SHROOM2: variants seen among roughly 807,000 people sequenced by gnomAD.
SHROOM2 encodes the protein protein Shroom2.
Under a neutral mutation model 75.9 loss-of-function variants are expected in SHROOM2, and 33 were observed. The ratio of observed to expected loss-of-function variants is 0.43; its 90% confidence interval spans 0.33 to 0.58. The LOEUF (loss-of-function observed/expected upper bound fraction) is 0.58, where lower values mean the gene tolerates loss of function less well. SHROOM2 is among the 20% of genes least tolerant of loss of function. The probability of loss-of-function intolerance (pLI) is 0.04; values close to 1 mark genes in which losing one functional copy is unlikely to be tolerated. For missense variants in SHROOM2, 1,434 were observed against 1,461.2 expected, an observed-to-expected ratio of 0.98 and a Z score of 0.30; for synonymous variants, 655 against 663.6, an observed-to-expected ratio of 0.99 and a Z score of 0.20.
intron 1 of SHROOM2, among the ~76,000 whole-genome samples, chrX:9,811,091 T>G (rs1186777424): frequency 1.8e-5 from 2 of 112,094 alleles, no homozygotes; most frequent in Non-Finnish European, 3.8e-5. Context: ...TAAGTGTCTA[T>G]TCCAGTGAGG....
Position 9,949,271 on chromosome X carries a change from C to T in SHROOM2, c.*2334C>T, listed in dbSNP as rs182811535. On this transcript the variant is annotated 3_prime_UTR_variant, in exon 10 of 10. Coordinates refer to ENST00000380913, the MANE Select transcript of SHROOM2 (RefSeq NM_001649.4). ...TGTTGGGTGGCAGCTGCTCCTTCGC[C>T]CTCTTGTAGTGTGGCTGTGGAGGGC... The T allele has an allele frequency of 1.4e-3, 450 of 315,831 alleles. 1 individual carries two copies. The highest frequency in any genetic ancestry group is 2.1e-3 in the Non-Finnish European group (344 of 162,862). The allele number at this position is 315,831 out of a possible 1,213,427, so 26.0% of individuals were successfully genotyped here. A position where few individuals can be genotyped will look rare whatever the true frequency, so the allele number is the denominator to read the frequency against.
chrX:9,868,003 C>A lies in SHROOM2; in HGVS notation c.166-5649C>A, dbSNP rs141961531. Among the ~76,000 whole-genome samples the A allele has an allele frequency of 1.9e-4, 21 of 110,216 alleles. No homozygotes were observed. In the East Asian group the frequency reaches 5.2e-3, roughly 27 times the overall value. Reference sequence around the variant, plus strand: ...CCTTCAGGACTTGCTTACACACGTGCTTGTGGGAATGAGACACATTCCCAC... The same window carrying A: ...CCTTCAGGACTTGCTTACACACGTGATTGTGGGAATGAGACACATTCCCAC... On this transcript the variant is annotated intron_variant, in intron 1 of 9. Coordinates refer to ENST00000380913, the MANE Select transcript of SHROOM2 (RefSeq NM_001649.4).
rs1030700148 is a variant in SHROOM2, at chrX:9,904,935, C to T, written c.2891+6645C>T. On this transcript the variant is annotated intron_variant, in intron 5 of 9. Transcript: ENST00000380913. ...GGAGTGCAGTGGCACAATCATGGCT[C>T]ACTGCAGCCTCAACCTCCAAGCTCA... Among the ~76,000 whole-genome samples, 7 of 112,430 alleles carry T rather than the reference C, an allele frequency of 6.2e-5. 1 individual carries two copies. The highest frequency in any genetic ancestry group is 2.3e-4 in the African/African-American group (7 of 30,943).
chrX:9,880,556 G>A (rs1206351384), intron 2 of SHROOM2, among the ~76,000 whole-genome samples: 2 of 112,681 alleles, frequency 1.8e-5, no homozygotes, highest in African/African-American at 3.2e-5. Flanking sequence ...TCATAAAGGC[G>A]GAGTAAATGT....
At chrX:9,883,686 G>T (rs6640538) in intron 2 of SHROOM2, among the ~76,000 whole-genome samples, 18,074 of 110,192 alleles carry the variant, frequency 0.16, 1,223 homozygotes, top group East Asian at 0.35. Flanking sequence ...GGGCTGTGTT[G>T]CATGCAGGGA....
chrX:9,796,124 C>A (rs745360282), intron 1 of SHROOM2, among the ~76,000 whole-genome samples: 72 of 111,714 alleles, frequency 6.4e-4, no homozygotes, highest in Non-Finnish European at 1.3e-3. Context: ...AATTCCCCCT[C>A]ACTTCTCTTC....
chrX:9,932,099 A>C (rs907596140), intron 5 of SHROOM2, 76 bp from the exon 6 acceptor site: 1 of 959,437 alleles, frequency 1.0e-6, no homozygotes, highest in African/African-American at 2.0e-5. Flanking sequence ...GGGATTGTGA[A>C]GATCCAGGTC....
chrX:9,816,375 TTGGC>T (rs1175735489), intron 1 of SHROOM2, among the ~76,000 whole-genome samples: 1 of 112,518 alleles, frequency 8.9e-6, no homozygotes, highest in African/African-American at 3.2e-5. Flanking sequence ...ATTGGTCATT[TTGGC>T]TTCACGGCTG....
chrX:9,891,505 A>T (rs1185313832), intron 3 of SHROOM2, among the ~76,000 whole-genome samples: 1 of 112,458 alleles, frequency 8.9e-6, no homozygotes. Context: ...GAGGTTCTTT[A>T]AGCTTTGGTA....
At chrX:9,924,872 A>G (rs138104802) in intron 5 of SHROOM2, among the ~76,000 whole-genome samples, 1,175 of 109,540 alleles carry the variant, frequency 0.011, 16 homozygotes, top group African/African-American at 0.037. Context: ...GGGTCTTGCT[A>G]TGTTGTTCAG....
chrX:9,831,321 G>C (rs2083914886), intron 1 of SHROOM2, among the ~76,000 whole-genome samples: 1 of 112,024 alleles, frequency 8.9e-6, no homozygotes, highest in African/African-American at 3.2e-5. Flanking sequence ...CTAGGGGATG[G>C]GGACCACAGT....
intron 3 of SHROOM2, among the ~76,000 whole-genome samples, chrX:9,891,387 C>T (rs759253112): frequency 8.9e-5 from 10 of 112,408 alleles, no homozygotes; most frequent in East Asian, 2.8e-4. Context: ...GGTTCTGAGC[C>T]GGTGGGGTGG....
At chrX:9,861,973 A>T (rs1286773034) in intron 1 of SHROOM2, among the ~76,000 whole-genome samples, 2 of 111,822 alleles carry the variant, frequency 1.8e-5, no homozygotes, top group Non-Finnish European at 3.8e-5. Flanking sequence ...GCCACACAGT[A>T]GTTGGAACAG....
chrX:9,834,988 A>G (rs1355826031), intron 1 of SHROOM2, among the ~76,000 whole-genome samples: 1 of 112,730 alleles, frequency 8.9e-6, no homozygotes, highest in Non-Finnish European at 1.9e-5. Flanking sequence ...GTCGTGTCCT[A>G]CCCAAGGTGC....
chrX:9,880,135 G>A (rs894570866), intron 2 of SHROOM2, among the ~76,000 whole-genome samples: 1 of 112,143 alleles, frequency 8.9e-6, no homozygotes, highest in Non-Finnish European at 1.9e-5. Context: ...ACAGGTCTTG[G>A]TGTCTGTCAT....
chrX:9,860,583 C>G (rs1020172561), intron 1 of SHROOM2, among the ~76,000 whole-genome samples: 2 of 111,427 alleles, frequency 1.8e-5, no homozygotes, highest in African/African-American at 6.5e-5. Context: ...GCCACCATGC[C>G]TGGCTAATTT....
At chrX:9,806,603 C>T (rs1225631030) in intron 1 of SHROOM2, among the ~76,000 whole-genome samples, 5 of 91,575 alleles carry the variant, frequency 5.5e-5, no homozygotes, top group African/African-American at 8.5e-5. Context: ...CTCACTCTGT[C>T]GCCCAGGCTG....
At chrX:9,806,383 TATA>T (rs1204559727) in intron 1 of SHROOM2, among the ~76,000 whole-genome samples, 4 of 109,380 alleles carry the variant, frequency 3.7e-5, no homozygotes, top group Non-Finnish European at 7.6e-5. Flanking sequence ...TGATTTACTA[TATA>T]ATATTAATAT....
intron 1 of SHROOM2, among the ~76,000 whole-genome samples, chrX:9,828,332 C>G (rs1365899909): frequency 8.9e-6 from 1 of 112,227 alleles, no homozygotes; most frequent in Non-Finnish European, 1.9e-5. Flanking sequence ...GGTGGGGACA[C>G]AGAACCGAAC....
Sources: allele counts gnomAD v4.1 joint callset (sites outside exome capture counted in the v4.1 genomes callset), GRCh38; gene constraint gnomAD v4.1.1; transcripts MANE v1.5; gene names NCBI Gene and HGNC (gene_info 2026-07-23, HGNC 2026-07-21).